Variants in DNAH10 observed in about 807,000 individuals in gnomAD.
DNAH10 encodes dynein axonemal heavy chain 10.
DNAH10 carries 348 observed loss-of-function variants against 506.6 expected under a neutral mutation model. The ratio of observed to expected loss-of-function variants is 0.69; its 90% CI spans 0.63 to 0.75. DNAH10 has a LOEUF of 0.75. Among genes scored for constraint, DNAH10 ranks in the 30% least tolerant of loss-of-function variants. The pLI is 0.00. For synonymous variants in DNAH10, 2,059 were observed against 2,198.6 expected (o/e 0.94, Z 1.78); for missense variants, 5,179 against 5,787.1 (o/e 0.89, Z 3.41).
Position 123,775,170 on chromosome 12 carries a change from C to T in DNAH10, c.621+906C>T, listed in dbSNP as rs145911048. ...TCTCTCCGCCATCCAGTCTGGAGTG[C>T]AGTGGCCCAATCACGGCTCACTGCA... On this transcript the variant is annotated intron_variant, in intron 5 of 78. Transcript: ENST00000673944. Among the ~76,000 whole-genome samples, 983 of 152,266 alleles carry T rather than the reference C, an allele frequency of 6.5e-3. 17 individuals are homozygous for T. Among genetic ancestry groups the T allele is most frequent in the African/African-American group, 0.022 (916 of 41,552 alleles).
Position 123,779,621 on chromosome 12 carries a change from G to GAGAGAA in DNAH10, c.622-1458_622-1457insGAGAAA, listed in dbSNP as rs1210943015. On this transcript the variant is annotated intron_variant, in intron 5 of 78. Transcript: ENST00000673944. ...GGGGTGGGGGAGAGAGAGAGAGAGA[G>GAGAGAA]AAACAAAACCAAAACCAAGAATTTG... 1.4e-3 allele frequency among the ~76,000 whole-genome samples: 218 copies of GAGAGAA among 151,434 alleles called. 1 individual carries two copies. The highest frequency in any genetic ancestry group is 5.2e-3 in the African/African-American group (216 of 41,214).
At position 123,814,819 on chromosome 12, in the gene DNAH10, A is replaced by G. The variant is rs551864420; in HGVS notation, c.3780+907A>G. 2.1e-3 allele frequency among the ~76,000 whole-genome samples: 319 copies of G among 152,034 alleles called. 1 individual carries two copies. Among genetic ancestry groups the G allele is most frequent in the African/African-American group, 6.5e-3 (271 of 41,466 alleles). The stretch of plus-strand genomic sequence containing the variant: ...TTTTTAGTAGAGACAGGGTTTTACT[A>G]TGTTAGCCAGGATGGTCTCGATCTC... On this transcript the variant is annotated intron_variant, in intron 21 of 78. Transcript: ENST00000673944.
chr12:123,877,714 G>A, intron 47 of DNAH10, 22 bp from the exon 48 acceptor site: 1 of 1,604,024 alleles, frequency 6.2e-7, no homozygotes, highest in Non-Finnish European at 8.5e-7. Context: ...TGTGTTGGGG[G>A]GGGTGTCTTT....
chr12:123,931,577 G>A, intron 74 of DNAH10, 59 bp from the exon 75 acceptor site: 3 of 1,608,104 alleles, frequency 1.9e-6, no homozygotes, highest in Non-Finnish European at 2.5e-6. Flanking sequence ...GGAAGGCTCA[G>A]GAGGCTCCGG....
Position 123,924,451 on chromosome 12 carries a change from T to G in DNAH10, c.11766+19T>G, listed in dbSNP as rs1425007772. 6.2e-7 allele frequency: 1 copy of G among 1,603,748 alleles called. No homozygotes were observed. Among genetic ancestry groups the G allele is most frequent in the Non-Finnish European group, 8.5e-7 (1 of 1,171,976 alleles). ...GCAGGAGGTGAGCCCACGTTCCCTT[T>G]CTCCTCCTCTCCTTCCCCACATGTC... On this transcript the variant is annotated intron_variant, in intron 67 of 78. Transcript: ENST00000673944.
intron 6 of DNAH10, among the ~76,000 whole-genome samples, chr12:123,781,531 T>A (rs1957650698): frequency 6.6e-6 from 1 of 151,508 alleles, no homozygotes; most frequent in African/African-American, 2.4e-5. Context: ...AGTGGTGAGA[T>A]CTCGGTTCAC....
chr12:123,816,590 A>G (rs906834745), intron 21 of DNAH10, among the ~76,000 whole-genome samples: 1 of 152,208 alleles, frequency 6.6e-6, no homozygotes, highest in Non-Finnish European at 1.5e-5. Flanking sequence ...GTCTTTTATA[A>G]TAAATCAGTG....
chr12:123,825,993 G>A (rs1198372645), intron 24 of DNAH10, among the ~76,000 whole-genome samples: 2 of 152,016 alleles, frequency 1.3e-5, no homozygotes, highest in Non-Finnish European at 2.9e-5. Flanking sequence ...GCCTGGTGGT[G>A]CATGTCTGTC....
intron 16 of DNAH10, 108 bp from the exon 17 acceptor site, chr12:123,803,553 G>C (rs779611769): frequency 1.4e-5 from 16 of 1,134,048 alleles, no homozygotes; most frequent in African/African-American, 3.3e-5. Context: ...GAATGAGCAG[G>C]GTCTTTCCTG....
intron 28 of DNAH10, among the ~76,000 whole-genome samples, chr12:123,836,584 G>T (rs1006887184): frequency 6.6e-6 from 1 of 152,182 alleles, no homozygotes; most frequent in African/African-American, 2.4e-5. Context: ...CTCAAAGCCC[G>T]GGTATTTTGC....
At chr12:123,806,342 A>C (rs1306381483) in intron 18 of DNAH10, among the ~76,000 whole-genome samples, 2 of 152,164 alleles carry the variant, frequency 1.3e-5, no homozygotes, top group East Asian at 3.9e-4. Context: ...TGTTTTACAG[A>C]GGAGGATACA....
chr12:123,776,404 G>A (rs910732241), intron 5 of DNAH10, among the ~76,000 whole-genome samples: 4 of 152,018 alleles, frequency 2.6e-5, no homozygotes, highest in African/African-American at 9.7e-5. Context: ...AACAGCCTGG[G>A]CGATATAGCA....
In DNAH10 at chr12:123,931,723, T is replaced by G. The variant is rs773418597; in HGVS notation, c.13004T>G (p.Leu4335Trp). The change falls in exon 75 of 79, where the codon TTG (leucine) becomes TGG (tryptophan). Residue 4335 changes from leucine (L) to tryptophan (W), a missense_variant. Around this residue, in one of 3 missense-constraint regions of DNAH10, gnomAD observed 4,844 missense variants for 5,430.5 expected, o/e 0.89. Coordinates refer to ENST00000673944, the MANE Select transcript of DNAH10 (RefSeq NM_001372106.1). ...AACAAGATGCCCAAAGTCTTTGACT[T>G]GGACCAGGTGAGGAAGCGCCTCGGA... Reference protein sequence around the residue: ...IENKMPKVFDLDQVRKRLGTG... With the variant: ...IENKMPKVFDWDQVRKRLGTG... The G allele has an allele frequency of 6.2e-7, 1 of 1,614,078 alleles. No individual in the cohort carries two copies. Among genetic ancestry groups the G allele is most frequent in the South Asian group, 1.1e-5 (1 of 91,088 alleles).
At position 123,859,214 on chromosome 12, in the gene DNAH10, C is replaced by T. The variant is rs1951519555; in HGVS notation, c.6695C>T (p.Pro2232Leu). The T allele has an allele frequency of 6.2e-7, 1 of 1,611,416 alleles. No homozygotes were observed. The highest frequency in any genetic ancestry group is 1.1e-5 in the South Asian group (1 of 90,288). ...CGCCACACGACGATGGTGGTGGGGCCCACCAGAGGGGGCAAGTCCGTCGTC... is the reference window on the plus strand; with the variant it reads ...CGCCACACGACGATGGTGGTGGGGCTCACCAGAGGGGGCAAGTCCGTCGTC... The part of the protein sequence containing the change: ...LTRHTTMVVG[P>L]TRGGKSVVIN... Residue 2232 changes from proline to leucine, a missense_variant, in exon 38 of 79, where the codon CCC becomes CTC. Physicochemically the swap from Pro to Leu is moderately conservative, Grantham distance 98. Around this residue, in one of 3 missense-constraint regions of DNAH10, gnomAD observed 4,844 missense variants for 5,430.5 expected, o/e 0.89. Transcript: ENST00000673944.
Position 123,934,723 on chromosome 12 carries a change from T to C in DNAH10, c.13580T>C (p.Ile4527Thr). 1.9e-6 allele frequency: 3 copies of C among 1,613,928 alleles called. No individual in the cohort carries two copies. The highest frequency in any genetic ancestry group is 2.5e-6 in the Non-Finnish European group (3 of 1,179,878). The change falls in exon 78 of 79, where the codon ATC becomes ACC. Residue 4527 changes from isoleucine to threonine, a missense_variant. Ile to Thr is a moderately conservative substitution (Grantham distance 89). Transcript: ENST00000673944. Reference protein sequence around the residue: ...KPKVLVVDLPILKIIPIEAHR... With the variant: ...KPKVLVVDLPTLKIIPIEAHR... The stretch of plus-strand genomic sequence containing the variant: ...AAGGTGCTGGTTGTGGACCTGCCGA[T>C]CCTGAAGATCATCCCCATTGAAGCC...
At chr12:123,796,856 GC>G in intron 13 of DNAH10, 24 bp downstream of exon 13, 1 of 1,561,280 alleles carries the variant, frequency 6.4e-7, no homozygotes, top group Middle Eastern at 1.7e-4. Context: ...GCTAGAATTG[GC>G]TCCTTTTGTA....
intron 30 of DNAH10, among the ~76,000 whole-genome samples, chr12:123,843,082 C>T (rs1311650043): frequency 6.6e-6 from 1 of 152,216 alleles, no homozygotes; most frequent in Non-Finnish European, 1.5e-5. Flanking sequence ...TACCACTTTG[C>T]TAGGGCATTG....
intron 28 of DNAH10, 25 bp from the exon 29 acceptor site, chr12:123,838,431 A>C: frequency 1.3e-6 from 2 of 1,595,174 alleles, no homozygotes. Flanking sequence ...ACCCTGCTTG[A>C]CGGCTGTCCT....
chr12:123,886,465 C>T (rs1380732836), intron 51 of DNAH10, among the ~76,000 whole-genome samples: 2 of 147,664 alleles, frequency 1.4e-5, no homozygotes, highest in Non-Finnish European at 3.0e-5. Flanking sequence ...ATCCTGGTTG[C>T]GTTGCGCGCG....
Sources: gnomAD v4.1 joint callset for allele counts (sites outside exome capture counted in the v4.1 genomes callset) on GRCh38, gnomAD v4.1.1 for gene constraint, gnomAD v4.1.1 regional missense constraint, MANE v1.5 for transcripts, NCBI Gene and HGNC (gene_info 2026-07-23, HGNC 2026-07-21) for gene names.